The following HDAC4 variants were observed in gnomAD, a reference collection of about 807,000 sequenced individuals.
HDAC4 encodes the protein histone deacetylase A.
HDAC4 carries 16 observed loss-of-function variants against 135.1 expected under a neutral mutation model. The ratio of observed to expected loss-of-function variants is 0.12; its 90% CI spans 0.08 to 0.18. The LOEUF (loss-of-function observed/expected upper bound fraction) is 0.18, where lower values mean the gene tolerates loss of function less well. Ranked by LOEUF, HDAC4 falls within the 10% of genes least tolerant of loss-of-function variation. HDAC4 has a pLI of 1.00. For missense variants in HDAC4, 1,143 were observed against 1,511.8 expected (o/e 0.76, Z 4.05); for synonymous variants, 685 against 653.4 (o/e 1.05, Z -0.74).
chr2:239,284,774 T>C (rs932684836), intron 2 of HDAC4, among the ~76,000 whole-genome samples: 1 of 152,164 alleles, frequency 6.6e-6, no homozygotes, highest in African/African-American at 2.4e-5. Context: ...TGGAGACCAG[T>C]GTCCCGGTTC....
intron 2 of HDAC4, among the ~76,000 whole-genome samples, chr2:239,242,230 AAGGGAGGGAGGGAGGG>A (rs142708646): frequency 5.1e-4 from 51 of 99,276 alleles, no homozygotes; most frequent in Non-Finnish European, 7.4e-4. Context: ...GAAGGAGGGG[AAGGGAGGGAGGGAGGG>A]AGGGAGGGAG....
chr2:239,314,804 C>A (rs1274464988), intron 2 of HDAC4, among the ~76,000 whole-genome samples: 1 of 152,076 alleles, frequency 6.6e-6, no homozygotes, highest in Non-Finnish European at 1.5e-5. Flanking sequence ...CATCTGTAAA[C>A]CAAAAATAAA....
At chr2:239,246,404 G>C (rs544573290) in intron 2 of HDAC4, among the ~76,000 whole-genome samples, 4 of 152,356 alleles carry the variant, frequency 2.6e-5, no homozygotes, top group Non-Finnish European at 5.9e-5. Context: ...AGGACGCGAG[G>C]AGCAGTGTCA....
At chr2:239,122,108 A>G (rs1437094414) in intron 12 of HDAC4, among the ~76,000 whole-genome samples, 1 of 152,240 alleles carries the variant, frequency 6.6e-6, no homozygotes, top group African/African-American at 2.4e-5. Context: ...AACTGCCAGT[A>G]TTTTAAAACA....
chr2:239,055,185 T>C (rs1000721846), intron 24 of HDAC4: 1 of 312,520 alleles, frequency 3.2e-6, no homozygotes, highest in African/African-American at 2.2e-5. Flanking sequence ...ATCACTTTTC[T>C]TTCCTTTGTC....
At chr2:239,161,443 T>A (rs2042787267) in intron 6 of HDAC4, among the ~76,000 whole-genome samples, 1 of 152,318 alleles carries the variant, frequency 6.6e-6, no homozygotes, top group Non-Finnish European at 1.5e-5. Context: ...CTCAGGTCTA[T>A]GACATCTGAA....
chr2:239,298,754 T>G lies in HDAC4; in HGVS notation c.22+53924A>C, dbSNP rs1440317434. The G allele has an allele frequency of 7.5e-5, 21 of 279,862 alleles. No individual in the cohort carries two copies. The Admixed American group carries it at 1.4e-3, about 18-fold the overall frequency. The allele number at this position is 279,862 out of a possible 1,614,324, so 17.3% of individuals were successfully genotyped here. The stretch of plus-strand genomic sequence containing the variant: ...AGGCATTTAATCAAACATTTTAGAA[T>G]GATTTTCATTTAATTATCTCTCGGA... On this transcript the variant is annotated intron_variant, in intron 2 of 26. Transcript: ENST00000543185.
rs2052149190 is a variant in HDAC4 at position 239,299,908 on chromosome 2, G to A, written c.22+52770C>T. On this transcript the variant is annotated intron_variant, in intron 2 of 26. Coordinates refer to ENST00000543185, the MANE Select transcript of HDAC4 (RefSeq NM_001378414.1). This position sits in a 1 kb window ranked among gnomAD's most constrained non-coding sequence, Gnocchi z 4.0. ...CAGATGGGAGACCGGCAGTCCTGGGGCTCGGGAGACAGGGGAGACAGAGAA... is the reference window on the plus strand; with the variant it reads ...CAGATGGGAGACCGGCAGTCCTGGGACTCGGGAGACAGGGGAGACAGAGAA... Among the ~76,000 whole-genome samples, 1 of 152,202 alleles carries A rather than the reference G, an allele frequency of 6.6e-6. No homozygotes were observed. Among genetic ancestry groups the A allele is most frequent in the Non-Finnish European group, 1.5e-5 (1 of 68,038 alleles).
intron 15 of HDAC4, among the ~76,000 whole-genome samples, chr2:239,103,758 G>A (rs75803907): frequency 0.029 from 4,482 of 152,350 alleles, 90 homozygotes; most frequent in Middle Eastern, 0.051. Context: ...TGTGGTGGGC[G>A]AAGCTCGAGG....
In HDAC4 at chr2:239,222,533, C is replaced by T. The variant is rs3791611; in HGVS notation, c.94+14060G>A. 1.2e-4 allele frequency among the ~76,000 whole-genome samples: 5 copies of T among 42,428 alleles called. No individual in the cohort carries two copies. In the East Asian group the frequency reaches 4.4e-3, roughly 37 times the overall value. 27.8% of individuals were successfully genotyped at this position (42,428 alleles called of 152,430 possible). Reference sequence around the variant, plus strand: ...AAATAGAACCAGGCCTTACCCCATACCAAAAAAAAAAAAAAAAAAAATGGT... The same window carrying T: ...AAATAGAACCAGGCCTTACCCCATATCAAAAAAAAAAAAAAAAAAAATGGT... On this transcript the variant is annotated intron_variant, in intron 3 of 26. Coordinates refer to ENST00000543185, the MANE Select transcript of HDAC4 (RefSeq NM_001378414.1).
intron 2 of HDAC4, among the ~76,000 whole-genome samples, chr2:239,266,600 T>G (rs1231594719): frequency 6.6e-6 from 1 of 152,190 alleles, no homozygotes; most frequent in African/African-American, 2.4e-5. Context: ...TATAAGCCAC[T>G]GGCCAAGAAA....
intron 12 of HDAC4, among the ~76,000 whole-genome samples, chr2:239,117,143 A>T (rs1392783945): frequency 1.3e-5 from 2 of 152,206 alleles, no homozygotes; most frequent in African/African-American, 2.4e-5. Context: ...GCTGACCTCA[A>T]TGCGCTCTGG....
intron 1 of HDAC4, among the ~76,000 whole-genome samples, chr2:239,385,085 C>T (rs1331974570): frequency 1.3e-5 from 2 of 152,194 alleles, no homozygotes; most frequent in African/African-American, 4.8e-5. Context: ...CATCTTGGCT[C>T]TCTCTCCTGA....
chr2:239,074,002 G>C (rs911574913), intron 22 of HDAC4, among the ~76,000 whole-genome samples: 4 of 147,354 alleles, frequency 2.7e-5, no homozygotes, highest in Non-Finnish European at 6.0e-5. Flanking sequence ...CAGGACTGAG[G>C]GGGGCAGCAG....
At position 239,095,040 on chromosome 2, in the gene HDAC4, C is replaced by A. The variant is rs531557960; in HGVS notation, c.2250G>T (p.Val750=). The A allele has an allele frequency of 2.5e-6, 4 of 1,613,854 alleles. No homozygotes were observed. The East Asian group carries it at 8.9e-5, about 36-fold the overall frequency. ...CACCACCGCAAGGGAGCCGGACGAACACGGAGGCGAGCGAGCCTGTGGGGG... is the reference window on the plus strand; with the variant it reads ...CACCACCGCAAGGGAGCCGGACGAAAACGGAGGCGAGCGAGCCTGTGGGGG... The part of the protein sequence containing the change: ...SKKLLGSLAS[V]FVRLPCGGVG... Residue 750 remains valine (V), a synonymous_variant, in exon 17 of 27, where the codon GTG becomes GTT. Coordinates refer to ENST00000543185, the MANE Select transcript of HDAC4 (RefSeq NM_001378414.1).
At chr2:239,396,138 GA>G (rs1271001816) in intron 1 of HDAC4, among the ~76,000 whole-genome samples, 1 of 149,810 alleles carries the variant, frequency 6.7e-6, no homozygotes, top group African/African-American at 2.5e-5. Flanking sequence ...CGTCATGCCT[GA>G]TTTTTTTTTT....
rs1023278440 is a variant in HDAC4, at chr2:239,352,526, T to C, written c.22+152A>G. 1.4e-6 allele frequency: 1 copy of C among 729,194 alleles called. No homozygotes were observed. The highest frequency in any genetic ancestry group is 2.4e-6 in the Non-Finnish European group (1 of 412,634). 45.2% of individuals were successfully genotyped at this position (729,194 alleles called of 1,614,324 possible). On this transcript the variant is annotated intron_variant, in intron 2 of 26. Coordinates refer to ENST00000543185, the MANE Select transcript of HDAC4 (RefSeq NM_001378414.1). The surrounding 1 kb of genome is among the most constrained non-coding windows in gnomAD (Gnocchi z 4.4). Reference sequence around the variant, plus strand: ...ACCAAGAGGAAGAATAAACCATCCATTTTGCACTTTGTGCTGTCAAAAACC... The same window carrying C: ...ACCAAGAGGAAGAATAAACCATCCACTTTGCACTTTGTGCTGTCAAAAACC...
At chr2:239,399,851 A>C (rs926084189) in intron 1 of HDAC4, among the ~76,000 whole-genome samples, 1 of 152,232 alleles carries the variant, frequency 6.6e-6, no homozygotes, top group Non-Finnish European at 1.5e-5. Flanking sequence ...ACTTAAGTTT[A>C]ATTTCTGCAA....
intron 3 of HDAC4, among the ~76,000 whole-genome samples, chr2:239,230,430 C>T (rs560608377): frequency 3.9e-4 from 58 of 150,194 alleles, no homozygotes; most frequent in African/African-American, 1.4e-3. Context: ...CATGACCGTC[C>T]TGGCCAATCC....
Sources: gnomAD v4.1 joint callset for allele counts (sites outside exome capture counted in the v4.1 genomes callset) on GRCh38, gnomAD v4.1.1 for gene constraint, Gnocchi (gnomAD v3.1) non-coding constraint, MANE v1.5 for transcripts, NCBI Gene and HGNC (gene_info 2026-07-23, HGNC 2026-07-21) for gene names.